BIRC5: variants seen among roughly 807,000 people sequenced by gnomAD.
BIRC5 encodes baculoviral IAP repeat containing 5.
Under a neutral mutation model 15.8 loss-of-function variants are expected in BIRC5, and 8 were observed. The ratio of observed to expected loss-of-function variants is 0.51; its 90% CI spans 0.30 to 0.91. The LOEUF (loss-of-function observed/expected upper bound fraction) is 0.91. BIRC5 is among the 40% of genes least tolerant of loss of function. BIRC5 has a pLI of 0.07. For missense variants in BIRC5, 163 were observed against 178.6 expected, an observed-to-expected ratio of 0.91 and a Z score of 0.50; for synonymous variants, 56 against 64.5, an observed-to-expected ratio of 0.87 and a Z score of 0.63.
chr17:78,223,368 C>T (rs1219596536), intron 3 of BIRC5, 97 bp from the exon 4 acceptor site: 47 of 1,203,402 alleles, frequency 3.9e-5, no homozygotes, highest in East Asian at 2.5e-5. Context: ...GGTGCTCTCT[C>T]AGTGTTCCCT....
At chr17:78,223,317 G>T in intron 3 of BIRC5, 148 bp from the exon 4 acceptor site, 1 of 723,572 alleles carries the variant, frequency 1.4e-6, no homozygotes, top group Non-Finnish European at 2.1e-6. Context: ...GTTTGTCCCA[G>T]GTAGCTGGGA....
intron 3 of BIRC5, among the ~76,000 whole-genome samples, chr17:78,221,043 G>T (rs927069705): frequency 6.6e-6 from 1 of 152,242 alleles, no homozygotes; most frequent in African/African-American, 2.4e-5. Flanking sequence ...ATTGGGCGCT[G>T]ATTCTTGTTC....
intron 3 of BIRC5, among the ~76,000 whole-genome samples, chr17:78,222,400 C>T (rs2076521294): frequency 6.6e-6 from 1 of 151,684 alleles, no homozygotes. Context: ...GGCACAGTGG[C>T]TCACACCTGT....
chr17:78,217,742 C>G (rs2076489462), intron 3 of BIRC5, among the ~76,000 whole-genome samples: 1 of 151,908 alleles, frequency 6.6e-6, no homozygotes, highest in African/African-American at 2.4e-5. Flanking sequence ...CGTGATCTGC[C>G]TGCCTCGGCC....
intron 3 of BIRC5, 71 bp from the exon 4 acceptor site, chr17:78,223,394 T>G: frequency 5.0e-6 from 7 of 1,409,270 alleles, no homozygotes; most frequent in Non-Finnish European, 6.7e-6. Flanking sequence ...TTTTTTCCTT[T>G]GTCATCTTAT....
intron 3 of BIRC5, among the ~76,000 whole-genome samples, chr17:78,221,288 G>C (rs767532813): frequency 2.6e-5 from 4 of 152,264 alleles, no homozygotes; most frequent in African/African-American, 4.8e-5. Flanking sequence ...GTCTTGCTCT[G>C]TTGCTCAGGC....
chr17:78,219,730 T>G (rs2076502857), intron 3 of BIRC5, among the ~76,000 whole-genome samples: 2 of 152,234 alleles, frequency 1.3e-5, no homozygotes, highest in African/African-American at 2.4e-5. Flanking sequence ...CATATTGTCT[T>G]TTGTTGTTTT....
chr17:78,218,570 A>G (rs1461228824), intron 3 of BIRC5, among the ~76,000 whole-genome samples: 3 of 149,398 alleles, frequency 2.0e-5, no homozygotes, highest in Admixed American at 6.7e-5. Context: ...GATTACAGGC[A>G]TGAGCCACCA....
At chr17:78,219,263 C>T (rs540974234) in intron 3 of BIRC5, among the ~76,000 whole-genome samples, 1 of 152,264 alleles carries the variant, frequency 6.6e-6, no homozygotes, top group Admixed American at 6.5e-5. Flanking sequence ...TGGCTCACTG[C>T]GACCTCCACC....
chr17:78,221,612 G>A (rs1242113367), intron 3 of BIRC5, among the ~76,000 whole-genome samples: 1 of 152,114 alleles, frequency 6.6e-6, no homozygotes, highest in African/African-American at 2.4e-5. Context: ...TGGGATTACA[G>A]GCGTGAGCCA....
intron 3 of BIRC5, chr17:78,223,000 A>G: frequency 1.4e-6 from 2 of 1,475,816 alleles, no homozygotes; most frequent in Non-Finnish European, 1.8e-6. Flanking sequence ...AAGGTAGGGC[A>G]GTGGTTAAGA....
Position 78,214,421 on chromosome 17 carries a change from G to A in BIRC5, c.105G>A (p.Pro35=), listed in dbSNP as rs148424824. The change falls in exon 1 of 4, where the codon CCG becomes CCA. Residue 35 remains proline (P), a synonymous_variant. Transcript: ENST00000350051. ...TCTTGGAGGGCTGCGCCTGCACCCCGGAGCGGGTGAGACTGCCCGGCCTCC... is the reference window on the plus strand; with the variant it reads ...TCTTGGAGGGCTGCGCCTGCACCCCAGAGCGGGTGAGACTGCCCGGCCTCC... ...WPFLEGCACT[P]ERMAEAGFIH... 2.0e-4 allele frequency: 321 copies of A among 1,573,458 alleles called. No individual in the cohort carries two copies. In the African/African-American group the frequency reaches 4.0e-3, roughly 19 times the overall value.
rs76791204 is a variant in BIRC5, at chr17:78,215,529, G to T, written c.221+740G>T. Among the ~76,000 whole-genome samples, 186 of 151,712 alleles carry T rather than the reference G, an allele frequency of 1.2e-3. 2 individuals carry two copies. The East Asian group carries it at 0.028, about 23-fold the overall frequency. Reference sequence around the variant, plus strand: ...GACAATGAAATTCTGTACTCGGATGGTATCTGTCTTTCCACACTGTAATGC... The same window carrying T: ...GACAATGAAATTCTGTACTCGGATGTTATCTGTCTTTCCACACTGTAATGC... On this transcript the variant is annotated intron_variant, in intron 2 of 3. Transcript: ENST00000350051.
chr17:78,218,047 G>A (rs2076491929), intron 3 of BIRC5, among the ~76,000 whole-genome samples: 1 of 151,644 alleles, frequency 6.6e-6, no homozygotes, highest in Non-Finnish European at 1.5e-5. Context: ...CTGAGCTCAA[G>A]GGATCCTTTT....
intron 2 of BIRC5, among the ~76,000 whole-genome samples, chr17:78,215,443 AG>A (rs1328678413): frequency 6.6e-6 from 1 of 151,764 alleles, no homozygotes; most frequent in East Asian, 1.9e-4. Context: ...AAAAAAAAAA[AG>A]AAAGAAAGCA....
At chr17:78,214,509 G>T in intron 1 of BIRC5, 82 bp downstream of exon 1, 1 of 1,364,930 alleles carries the variant, frequency 7.3e-7, no homozygotes, top group Non-Finnish European at 9.8e-7. Flanking sequence ...GGCCTCGGGG[G>T]TACAAGCCGC....
intron 3 of BIRC5, among the ~76,000 whole-genome samples, chr17:78,218,171 C>A (rs556006050): frequency 2.1e-4 from 32 of 151,482 alleles, no homozygotes; most frequent in African/African-American, 7.3e-4. Flanking sequence ...GGAGTGTGGC[C>A]GGTATAAGTA....
intron 3 of BIRC5, among the ~76,000 whole-genome samples, chr17:78,217,186 T>G (rs1269307620): frequency 6.6e-6 from 1 of 150,982 alleles, no homozygotes; most frequent in Non-Finnish European, 1.5e-5. Flanking sequence ...CTTTTTTTTT[T>G]TTGTTCTGAG....
rs548672304 is a variant in BIRC5, at chr17:78,216,890, T to C, written c.339+109T>C. On this transcript the variant is annotated intron_variant, in intron 3 of 3. Transcript: ENST00000350051. ...TTTTCCTCAGGAAGCATTTTTTTTT[T>C]TTTTCTGAGATAGAGTTTCACTCTT... is the stretch of plus-strand genomic sequence containing the variant. 7.1e-6 allele frequency: 6 copies of C among 847,020 alleles called. No homozygotes were observed. In the African/African-American group the frequency reaches 1.0e-4, roughly 15 times the overall value. 52.5% of individuals were successfully genotyped at this position (847,020 alleles called of 1,614,324 possible).
Sources: gnomAD v4.1 joint callset for allele counts (sites outside exome capture counted in the v4.1 genomes callset) on GRCh38, gnomAD v4.1.1 for gene constraint, MANE v1.5 for transcripts, NCBI Gene and HGNC (gene_info 2026-07-23, HGNC 2026-07-21) for gene names.